CADPS2: variants seen among roughly 807,000 people sequenced by gnomAD.
The protein encoded by CADPS2 is calcium-dependent secretion activator 2.
In CADPS2, 93 loss-of-function variants were observed where a neutral mutation model predicts 172.5. The ratio of observed to expected loss-of-function variants is 0.54; its 90% CI spans 0.46 to 0.64. CADPS2 has a LOEUF of 0.64. CADPS2 is among the 30% of genes least tolerant of loss of function. The pLI is 0.00. For synonymous variants in CADPS2, 546 were observed against 555.2 expected, an observed-to-expected ratio of 0.98 and a Z score of 0.23; for missense variants, 1,420 against 1,565.9, an observed-to-expected ratio of 0.91 and a Z score of 1.57.
chr7:122,775,923 C>T (rs2093866822), intron 1 of CADPS2, among the ~76,000 whole-genome samples: 1 of 152,072 alleles, frequency 6.6e-6, no homozygotes, highest in Non-Finnish European at 1.5e-5. Flanking sequence ...ACTCCTTTCT[C>T]TGTTCCTATA....
intron 2 of CADPS2, among the ~76,000 whole-genome samples, chr7:122,730,566 GATTT>G (rs1201438187): frequency 2.6e-5 from 4 of 151,650 alleles, no homozygotes; most frequent in Admixed American, 1.3e-4. Context: ...AGCACACAAT[GATTT>G]ATTATGCATT....
At chr7:122,816,627 T>C (rs552090582) in intron 1 of CADPS2, among the ~76,000 whole-genome samples, 2 of 152,372 alleles carry the variant, frequency 1.3e-5, no homozygotes, top group South Asian at 4.1e-4. Context: ...CCATAATAGC[T>C]TTGTGAATGT....
At chr7:122,877,933 AAGAT>A (rs1821659252) in intron 1 of CADPS2, among the ~76,000 whole-genome samples, 1 of 152,150 alleles carries the variant, frequency 6.6e-6, no homozygotes, top group African/African-American at 2.4e-5. Flanking sequence ...AGTGAGTGAG[AAGAT>A]GAAGTCCAGG....
intron 1 of CADPS2, among the ~76,000 whole-genome samples, chr7:122,764,676 G>A (rs1212504588): frequency 6.6e-6 from 1 of 151,754 alleles, no homozygotes; most frequent in African/African-American, 2.4e-5. Flanking sequence ...AACTCTTAAA[G>A]GATGTAAGAC....
intron 1 of CADPS2, among the ~76,000 whole-genome samples, chr7:122,769,403 T>C (rs1477764994): frequency 6.6e-6 from 1 of 152,130 alleles, no homozygotes; most frequent in Non-Finnish European, 1.5e-5. Context: ...CACTGAGCCC[T>C]CCAGGAACAG....
chr7:122,683,446 G>T (rs1184683053), intron 2 of CADPS2, among the ~76,000 whole-genome samples: 1 of 152,118 alleles, frequency 6.6e-6, no homozygotes, highest in Non-Finnish European at 1.5e-5. Context: ...AAGGGTGGGG[G>T]TTTAGCTTGG....
At chr7:122,798,213 A>G (rs1014929254) in intron 1 of CADPS2, among the ~76,000 whole-genome samples, 1 of 152,124 alleles carries the variant, frequency 6.6e-6, no homozygotes, top group Admixed American at 6.5e-5. Flanking sequence ...AAAACAAGAG[A>G]GGAAAAGGTG....
intron 1 of CADPS2, among the ~76,000 whole-genome samples, chr7:122,749,067 C>T (rs1028236742): frequency 6.6e-6 from 1 of 152,088 alleles, no homozygotes; most frequent in Non-Finnish European, 1.5e-5. Flanking sequence ...CTGTGCAAAG[C>T]ATCCTCATAC....
chr7:122,676,582 T>C, intron 2 of CADPS2: 4 of 949,578 alleles, frequency 4.2e-6, no homozygotes, highest in Non-Finnish European at 6.4e-6. Flanking sequence ...AAATATCCAC[T>C]TCACACAGCA....
At chr7:122,842,722 T>C (rs1810904328) in intron 1 of CADPS2, among the ~76,000 whole-genome samples, 1 of 152,080 alleles carries the variant, frequency 6.6e-6, no homozygotes, top group African/African-American at 2.4e-5. Flanking sequence ...ATAGTAAAAA[T>C]TGGTATATTT....
chr7:122,707,305 A>C (rs2087732392), intron 2 of CADPS2, among the ~76,000 whole-genome samples: 1 of 151,980 alleles, frequency 6.6e-6, no homozygotes, highest in African/African-American at 2.4e-5. Context: ...GTATATATGC[A>C]TGTATCCTAT....
intron 1 of CADPS2, among the ~76,000 whole-genome samples, chr7:122,815,108 A>G (rs1313252941): frequency 9.2e-5 from 14 of 152,182 alleles, no homozygotes. Flanking sequence ...GAGGTTTAAC[A>G]AAACAGAGAC....
intron 3 of CADPS2, among the ~76,000 whole-genome samples, chr7:122,653,089 G>T (rs2079352086): frequency 6.6e-6 from 1 of 152,160 alleles, no homozygotes; most frequent in Non-Finnish European, 1.5e-5. Flanking sequence ...TGGCAGCCCT[G>T]GCAAGGCTCC....
intron 14 of CADPS2, among the ~76,000 whole-genome samples, chr7:122,454,040 C>A (rs1203176862): frequency 1.3e-5 from 2 of 152,108 alleles, no homozygotes. Context: ...TAAGAAGCAG[C>A]CTTCTATATC....
chr7:122,549,333 A>G (rs1356617887), intron 8 of CADPS2, among the ~76,000 whole-genome samples: 1 of 152,132 alleles, frequency 6.6e-6, no homozygotes, highest in African/African-American at 2.4e-5. Context: ...CCACTGCACT[A>G]ATTAATACAA....
chr7:122,323,383 GACTT>G (rs1352564636), intron 29 of CADPS2, among the ~76,000 whole-genome samples: 1 of 151,928 alleles, frequency 6.6e-6, no homozygotes, highest in African/African-American at 2.4e-5. Context: ...AAGATATACT[GACTT>G]ACAGTAAAAT....
intron 20 of CADPS2, among the ~76,000 whole-genome samples, chr7:122,407,203 T>A (rs564143106): frequency 6.6e-6 from 1 of 152,278 alleles, no homozygotes; most frequent in East Asian, 1.9e-4. Flanking sequence ...CTTTCAGAGA[T>A]GTAAATGTTC....
chr7:122,526,937 A>C (rs1188035260), intron 8 of CADPS2, among the ~76,000 whole-genome samples: 1 of 152,118 alleles, frequency 6.6e-6, no homozygotes, highest in Non-Finnish European at 1.5e-5. Context: ...TATGGCAGAC[A>C]CTCCATAAAC....
intron 1 of CADPS2, among the ~76,000 whole-genome samples, chr7:122,786,015 A>G (rs1351142746): frequency 2.0e-5 from 3 of 152,232 alleles, no homozygotes; most frequent in Non-Finnish European, 4.4e-5. Context: ...TGTCTATTTC[A>G]TTAACTTCTA....
Sources: gnomAD v4.1 joint callset for allele counts (sites outside exome capture counted in the v4.1 genomes callset) on GRCh38, gnomAD v4.1.1 for gene constraint, MANE v1.5 for transcripts, NCBI Gene and HGNC (gene_info 2026-07-23, HGNC 2026-07-21) for gene names.